NALCN: variants seen among roughly 807,000 people sequenced by gnomAD.
NALCN encodes the protein sodium leak channel NALCN.
In NALCN, 111 loss-of-function variants were observed where a neutral mutation model predicts 225.3. The ratio of observed to expected loss-of-function variants is 0.49; its 90% CI spans 0.42 to 0.58. The LOEUF (loss-of-function observed/expected upper bound fraction) is 0.58. Among genes scored for constraint, NALCN ranks in the 20% least tolerant of loss-of-function variants. NALCN has a pLI of 0.00. For synonymous variants in NALCN, 764 were observed against 769.0 expected (o/e 0.99, Z 0.11); for missense variants, 1,378 against 2,202.4 (o/e 0.63, Z 7.49).
At chr13:101,076,825 CCT>C (rs1487150272) in intron 34 of NALCN, among the ~76,000 whole-genome samples, 3 of 152,170 alleles carry the variant, frequency 2.0e-5, no homozygotes, top group Non-Finnish European at 4.4e-5. Flanking sequence ...TTTAAGATTT[CCT>C]CTCTGAGGTT....
chr13:101,416,280 G>T (rs1369517028), intron 1 of NALCN, 33 bp downstream of exon 1: 1 of 152,174 alleles, frequency 6.6e-6, no homozygotes, highest in African/African-American at 2.4e-5. Context: ...CGGCCGCGCC[G>T]CAGCCTCCCG....
At chr13:101,246,352 A>T (rs945593879) in intron 11 of NALCN, among the ~76,000 whole-genome samples, 1 of 152,220 alleles carries the variant, frequency 6.6e-6, no homozygotes, top group East Asian at 1.9e-4. Flanking sequence ...ATCATGAGAA[A>T]AAAATGCATA....
intron 15 of NALCN, among the ~76,000 whole-genome samples, chr13:101,165,695 C>T (rs1040949265): frequency 6.6e-6 from 1 of 152,204 alleles, no homozygotes; most frequent in African/African-American, 2.4e-5. Flanking sequence ...AGGCTGATCT[C>T]AAATTCCTGG....
intron 27 of NALCN, among the ~76,000 whole-genome samples, chr13:101,098,066 C>T (rs143546518): frequency 1.3e-5 from 2 of 152,190 alleles, no homozygotes; most frequent in East Asian, 1.9e-4. Context: ...CCTCCTTGTT[C>T]GGTCCCTGCC....
At chr13:101,380,828 T>G (rs2046826740) in intron 3 of NALCN, among the ~76,000 whole-genome samples, 2 of 150,376 alleles carry the variant, frequency 1.3e-5, no homozygotes, top group South Asian at 4.2e-4. Flanking sequence ...AGTGCCTGTT[T>G]TACATTAGAG....
At chr13:101,282,222 G>T (rs761093154) in intron 10 of NALCN, among the ~76,000 whole-genome samples, 2 of 152,068 alleles carry the variant, frequency 1.3e-5, no homozygotes, top group Non-Finnish European at 2.9e-5. Context: ...TTACTGCAGC[G>T]TTATTCACAA....
At chr13:101,153,891 G>T (rs1449743475) in intron 15 of NALCN, among the ~76,000 whole-genome samples, 3 of 152,144 alleles carry the variant, frequency 2.0e-5, no homozygotes, top group African/African-American at 7.2e-5. Flanking sequence ...TCTTAGCATG[G>T]CATAAGCGGG....
intron 17 of NALCN, among the ~76,000 whole-genome samples, chr13:101,126,494 T>G (rs952069125): frequency 7.4e-6 from 1 of 134,856 alleles, no homozygotes; most frequent in Non-Finnish European, 1.6e-5. Context: ...ACTTTTGGCA[T>G]AATTTTTTTT....
In NALCN at chr13:101,292,864, C is replaced by A. The variant is rs1306780032; in HGVS notation, c.800-498G>T. On this transcript the variant is annotated intron_variant, in intron 7 of 43. Coordinates refer to ENST00000251127, the MANE Select transcript of NALCN (RefSeq NM_052867.4). The surrounding 1 kb of genome is among the most constrained non-coding windows in gnomAD (Gnocchi z 4.3). Reference sequence around the variant, plus strand: ...CCACAATTGATATGATGGAGCTTGTCTTTGGATTCCATGGTGTTACCGAAC... The same window carrying A: ...CCACAATTGATATGATGGAGCTTGTATTTGGATTCCATGGTGTTACCGAAC... 1.3e-5 allele frequency among the ~76,000 whole-genome samples: 2 copies of A among 152,140 alleles called. No homozygotes were observed. The highest frequency in any genetic ancestry group is 2.9e-5 in the Non-Finnish European group (2 of 68,020).
intron 19 of NALCN, 117 bp from the exon 20 acceptor site, chr13:101,110,805 T>G (rs573986599): frequency 2.0e-6 from 2 of 1,009,900 alleles, no homozygotes; most frequent in Non-Finnish European, 3.1e-6. Flanking sequence ...CAAATGCCTA[T>G]GATTTCTTTT....
At chr13:101,275,936 C>A (rs373954557) in intron 10 of NALCN, among the ~76,000 whole-genome samples, 1 of 151,564 alleles carries the variant, frequency 6.6e-6, no homozygotes, top group South Asian at 2.1e-4. Flanking sequence ...TGGTGGCGGG[C>A]GCCTGTAGTC....
At chr13:101,147,084 C>T (rs2037385416) in intron 15 of NALCN, among the ~76,000 whole-genome samples, 1 of 152,122 alleles carries the variant, frequency 6.6e-6, no homozygotes, top group African/African-American at 2.4e-5. Context: ...CAAACAGACA[C>T]AAGGGCAAAT....
intron 11 of NALCN, among the ~76,000 whole-genome samples, chr13:101,256,069 G>GCGCCTTAGCTT (rs2042218989): frequency 6.6e-6 from 1 of 152,116 alleles, no homozygotes; most frequent in Non-Finnish European, 1.5e-5. Flanking sequence ...GACTCAGCCA[G>GCGCCTTAGCTT]CGCCTTAGCT....
At chr13:101,337,344 T>C (rs868613796) in intron 7 of NALCN, among the ~76,000 whole-genome samples, 1 of 152,006 alleles carries the variant, frequency 6.6e-6, no homozygotes, top group African/African-American at 2.4e-5. Context: ...AGTCTTGCTC[T>C]GTTGCCCAGG....
chr13:101,199,537 A>T (rs2040028201), intron 13 of NALCN, among the ~76,000 whole-genome samples: 1 of 151,116 alleles, frequency 6.6e-6, no homozygotes, highest in South Asian at 2.1e-4. Flanking sequence ...TTCTCAGCAA[A>T]CTATCGCAAG....
At chr13:101,235,173 T>C (rs888195046) in intron 12 of NALCN, among the ~76,000 whole-genome samples, 1 of 152,068 alleles carries the variant, frequency 6.6e-6, no homozygotes, top group Admixed American at 6.6e-5. Flanking sequence ...ATCACAATTA[T>C]AATTTTATGG....
intron 7 of NALCN, among the ~76,000 whole-genome samples, chr13:101,336,690 T>A (rs1340338253): frequency 6.6e-6 from 1 of 152,226 alleles, no homozygotes; most frequent in Admixed American, 6.5e-5. Context: ...AGGTAAATAC[T>A]GTTTATGTCA....
chr13:101,241,203 A>G (rs2041745721), intron 11 of NALCN, among the ~76,000 whole-genome samples: 1 of 152,138 alleles, frequency 6.6e-6, no homozygotes, highest in Non-Finnish European at 1.5e-5. Flanking sequence ...GGCAGTTTGT[A>G]TTTTGCCAGG....
At chr13:101,158,875 C>A (rs900436054) in intron 15 of NALCN, among the ~76,000 whole-genome samples, 8 of 152,318 alleles carry the variant, frequency 5.3e-5, no homozygotes, top group African/African-American at 1.4e-4. Context: ...CCTCCCACAG[C>A]ACTCTCCTTA....
Sources: allele counts gnomAD v4.1 joint callset (sites outside exome capture counted in the v4.1 genomes callset), GRCh38; gene constraint gnomAD v4.1.1; non-coding constraint Gnocchi (gnomAD v3.1); transcripts MANE v1.5; gene names NCBI Gene and HGNC (gene_info 2026-07-23, HGNC 2026-07-21).